CCDC93: variants seen among roughly 807,000 people sequenced by gnomAD.
CCDC93 encodes coiled-coil domain-containing protein 93.
A neutral mutation model predicts 108.2 loss-of-function variants in CCDC93; 61 were observed. That is an observed-to-expected ratio of 0.56 (90% CI 0.46 to 0.70). The LOEUF (loss-of-function observed/expected upper bound fraction) is 0.70, where lower values mean the gene tolerates loss of function less well. Ranked by LOEUF, CCDC93 falls within the 30% of genes least tolerant of loss-of-function variation. The probability of loss-of-function intolerance (pLI) is 0.00; values close to 1 mark genes in which losing one functional copy is unlikely to be tolerated. For synonymous variants in CCDC93, 276 were observed against 260.4 expected (o/e 1.06, Z -0.58); for missense variants, 685 against 764.2 (o/e 0.90, Z 1.22).
chr2:117,919,233 T>C lies in CCDC93; in HGVS notation c.*1110A>G, dbSNP rs1677784254. On this transcript the variant is annotated 3_prime_UTR_variant, in exon 24 of 24. Transcript: ENST00000376300. ...CAGCCCTACTTCCCAGACGGGTCTC[T>C]GAAGCCTCCTGCAGAGACTAGCTTA... 6.6e-6 allele frequency: 1 copy of C among 152,296 alleles called. No individual in the cohort carries two copies. Among genetic ancestry groups the C allele is most frequent in the African/African-American group, 2.4e-5 (1 of 41,460 alleles). The allele number at this position is 152,296 out of a possible 1,614,324, so 9.4% of individuals were successfully genotyped here.
chr2:118,001,523 T>C (rs6727882), intron 3 of CCDC93, among the ~76,000 whole-genome samples: 59,555 of 152,028 alleles, frequency 0.39, 12,314 homozygotes, highest in East Asian at 0.67. Context: ...TTGAAGGAAC[T>C]GTATATCCTC....
intron 23 of CCDC93, among the ~76,000 whole-genome samples, chr2:117,927,752 A>G (rs1678172422): frequency 6.6e-6 from 1 of 152,216 alleles, no homozygotes; most frequent in Non-Finnish European, 1.5e-5. Flanking sequence ...AGAATTGGAA[A>G]AAACTACTTT....
chr2:118,008,130 T>G (rs1438150925), intron 2 of CCDC93, among the ~76,000 whole-genome samples: 1 of 152,232 alleles, frequency 6.6e-6, no homozygotes, highest in Non-Finnish European at 1.5e-5. Flanking sequence ...TTTCATTGCA[T>G]AGCGATCTCT....
intron 22 of CCDC93, among the ~76,000 whole-genome samples, chr2:117,932,921 T>C (rs1437635656): frequency 6.6e-6 from 1 of 152,146 alleles, no homozygotes; most frequent in Non-Finnish European, 1.5e-5. Flanking sequence ...TCTCAGGCCT[T>C]TCCTCTCTGC....
At chr2:117,948,281 C>CTT in intron 14 of CCDC93, 95 bp from the exon 15 acceptor site, 2 of 798,832 alleles carry the variant, frequency 2.5e-6, no homozygotes, top group Non-Finnish European at 4.2e-6. Flanking sequence ...AAGGACTCTC[C>CTT]TTTTAATTTC....
chr2:117,945,720 G>A, intron 16 of CCDC93, 138 bp from the exon 17 acceptor site: 1 of 678,512 alleles, frequency 1.5e-6, no homozygotes, highest in Non-Finnish European at 2.6e-6. Context: ...CCCCGAGCAT[G>A]TCTGAAGAGA....
At chr2:118,006,571 C>T in intron 3 of CCDC93, 151 bp downstream of exon 3, 1 of 645,352 alleles carries the variant, frequency 1.5e-6, no homozygotes. Flanking sequence ...TTCTTTCAGT[C>T]TCAGTTTCAT....
intron 19 of CCDC93, among the ~76,000 whole-genome samples, chr2:117,940,384 G>T (rs901543581): frequency 6.6e-6 from 1 of 152,182 alleles, no homozygotes; most frequent in Admixed American, 6.5e-5. Context: ...GGAACAGGAG[G>T]AGTCAAGGCT....
intron 7 of CCDC93, among the ~76,000 whole-genome samples, chr2:117,981,925 A>C (rs1377609484): frequency 6.6e-6 from 1 of 152,130 alleles, no homozygotes; most frequent in Non-Finnish European, 1.5e-5. Context: ...TTGGAATATA[A>C]AACAAAATAG....
intron 13 of CCDC93, chr2:117,951,747 G>C (rs1037228902): frequency 7.3e-6 from 7 of 959,544 alleles, no homozygotes; most frequent in African/African-American, 7.1e-5. Context: ...GCTCATGACA[G>C]AGGTGGCAGC....
At chr2:117,949,677 G>C in intron 13 of CCDC93, 4 of 811,772 alleles carry the variant, frequency 4.9e-6, no homozygotes, top group Non-Finnish European at 6.0e-6. Context: ...AATTTTGTAC[G>C]ATGTGAATGT....
chr2:118,006,277 A>G (rs1424539493), intron 3 of CCDC93, among the ~76,000 whole-genome samples: 4 of 152,184 alleles, frequency 2.6e-5, no homozygotes, highest in Non-Finnish European at 5.9e-5. Flanking sequence ...GAAGGCTGGG[A>G]GAAGAACCAG....
In CCDC93 at chr2:117,923,133, G is replaced by A. The variant is rs185413711; in HGVS notation, c.1843-2737C>T. On this transcript the variant is annotated intron_variant, in intron 23 of 23. Transcript: ENST00000376300. ...AATGAAATATGCAGGATTTTCAGGG[G>A]GTGGAACCAAGATGGCCGAATAGGA... Among the ~76,000 whole-genome samples the A allele has an allele frequency of 4.1e-4, 63 of 152,278 alleles. 1 individual carries two copies. In the Middle Eastern group the frequency reaches 0.014, roughly 33 times the overall value.
At chr2:117,969,749 A>G (rs1679701419) in intron 11 of CCDC93, among the ~76,000 whole-genome samples, 1 of 152,212 alleles carries the variant, frequency 6.6e-6, no homozygotes, top group African/African-American at 2.4e-5. Flanking sequence ...CGAATCACAA[A>G]AATGACCAAA....
Position 117,978,156 on chromosome 2 carries a change from A to G in CCDC93, c.621-126T>C, listed in dbSNP as rs559290100. The G allele has an allele frequency of 3.5e-5, 29 of 829,460 alleles. No homozygotes were observed. The African/African-American group carries it at 4.9e-4, about 14-fold the overall frequency. The allele number at this position is 829,460 out of a possible 1,614,324, so 51.4% of individuals were successfully genotyped here. Reference sequence around the variant, plus strand: ...AATTTATGCCATTTGGTGACTTGAGAAAACGTTACAAGTGCCTAAATTACA... The same window carrying G: ...AATTTATGCCATTTGGTGACTTGAGGAAACGTTACAAGTGCCTAAATTACA... On this transcript the variant is annotated intron_variant, in intron 7 of 23. Transcript: ENST00000376300.
intron 20 of CCDC93, among the ~76,000 whole-genome samples, chr2:117,938,771 T>C (rs997175382): frequency 2.6e-5 from 4 of 152,176 alleles, no homozygotes; most frequent in Non-Finnish European, 4.4e-5. Flanking sequence ...AGAGCTTCCA[T>C]TGTGTTCCTT....
At chr2:117,975,372 A>T (rs183697149) in intron 8 of CCDC93, 92 bp from the exon 9 acceptor site, 1 of 916,108 alleles carries the variant, frequency 1.1e-6, no homozygotes, top group Non-Finnish European at 1.7e-6. Context: ...GTCTGTGAAA[A>T]AAACACAGAC....
rs998272353 is a variant in CCDC93, at chr2:117,995,733, G to A, written c.463-231C>T. ...CCAGTAAGAAAAAGGGGGTCATAAG[G>A]AATAGTGCTTAAGACGAGAGTTCTC... On this transcript the variant is annotated intron_variant, in intron 5 of 23. Transcript: ENST00000376300. The A allele has an allele frequency of 3.9e-5, 18 of 455,764 alleles. No individual in the cohort carries two copies. The Admixed American group carries it at 4.2e-4, about 11-fold the overall frequency. 28.2% of individuals were successfully genotyped at this position (455,764 alleles called of 1,614,324 possible). A position where few individuals can be genotyped will look rare whatever the true frequency, so the allele number is the denominator to read the frequency against.
intron 15 of CCDC93, among the ~76,000 whole-genome samples, chr2:117,947,878 T>A (rs1239236850): frequency 6.6e-6 from 1 of 152,102 alleles, no homozygotes; most frequent in Non-Finnish European, 1.5e-5. Flanking sequence ...GTATTTTTAG[T>A]AGAGACGGGG....
Sources: gnomAD v4.1 joint callset for allele counts (sites outside exome capture counted in the v4.1 genomes callset) on GRCh38, gnomAD v4.1.1 for gene constraint, MANE v1.5 for transcripts, NCBI Gene and HGNC (gene_info 2026-07-23, HGNC 2026-07-21) for gene names.